LGR6: variants seen among roughly 807,000 people sequenced by gnomAD.
LGR6 encodes the protein leucine-rich repeat-containing G protein-coupled receptor 6.
LGR6 carries 45 observed loss-of-function variants against 69.4 expected under a neutral mutation model. That is an observed-to-expected ratio of 0.65 (90% confidence interval 0.51 to 0.83). The LOEUF is 0.83. LGR6 is among the 40% of genes least tolerant of loss of function. The pLI is 0.00. For missense variants in LGR6, 1,108 were observed against 1,246.7 expected, an observed-to-expected ratio of 0.89 and a Z score of 1.68; for synonymous variants, 538 against 555.0, an observed-to-expected ratio of 0.97 and a Z score of 0.43.
In LGR6 at chr1:202,304,572, G is replaced by T. The variant is rs767983891; in HGVS notation, c.1012G>T (p.Ala338Ser). Residue 338 changes from alanine (A) to serine (S), a missense_variant, in exon 11 of 18, where the codon GCA becomes TCA. By Grantham distance (99) the Ala-to-Ser change is moderately conservative. Coordinates refer to ENST00000367278, the MANE Select transcript of LGR6 (RefSeq NM_001017403.2). ...TSLEILTLTR[A>S]GIRLLPSGMC... ...TTCTCCCTGCAGGACCCTGACCCGC[G>T]CAGGCATCCGGCTGCTCCCATCGGG... 4 of 1,609,078 alleles carry T rather than the reference G, an allele frequency of 2.5e-6. No homozygotes were observed. The highest frequency in any genetic ancestry group is 1.7e-5 in the Admixed American group (1 of 59,940).
intron 4 of LGR6, among the ~76,000 whole-genome samples, chr1:202,270,541 G>A (rs372589248): frequency 8.8e-4 from 134 of 152,154 alleles, no homozygotes; most frequent in African/African-American, 3.0e-3. Context: ...CACACCCTGC[G>A]AAGCTCTGAG....
At chr1:202,204,689 ACCC>A (rs149902160) in intron 1 of LGR6, among the ~76,000 whole-genome samples, 3 of 37,834 alleles carry the variant, frequency 7.9e-5, no homozygotes, top group South Asian at 1.7e-3. Flanking sequence ...ACACACACAC[ACCC>A]CCAAACACAC....
At chr1:202,271,221 C>T (rs1484453440) in intron 4 of LGR6, among the ~76,000 whole-genome samples, 1 of 152,150 alleles carries the variant, frequency 6.6e-6, no homozygotes, top group African/African-American at 2.4e-5. Context: ...CTTTTAGTCC[C>T]AAGTGGAGGA....
At chr1:202,240,782 A>G (rs1378535106) in intron 4 of LGR6, among the ~76,000 whole-genome samples, 1 of 152,146 alleles carries the variant, frequency 6.6e-6, no homozygotes, top group Non-Finnish European at 1.5e-5. Context: ...GACAGTGGGG[A>G]AAAATGACAA....
At chr1:202,202,961 A>T (rs1001627159) in intron 1 of LGR6, among the ~76,000 whole-genome samples, 2 of 152,114 alleles carry the variant, frequency 1.3e-5, no homozygotes, top group African/African-American at 4.8e-5. Context: ...AGGGACTTGG[A>T]TGTGGTCCCC....
intron 1 of LGR6, among the ~76,000 whole-genome samples, chr1:202,214,936 A>G (rs902572894): frequency 6.6e-6 from 1 of 151,438 alleles, no homozygotes; most frequent in Non-Finnish European, 1.5e-5. Context: ...GATCCTGTCC[A>G]ATTTAGAAAA....
At chr1:202,258,291 T>C (rs1369737460) in intron 4 of LGR6, among the ~76,000 whole-genome samples, 2 of 152,078 alleles carry the variant, frequency 1.3e-5, no homozygotes, top group Admixed American at 6.5e-5. Flanking sequence ...ATCTATTTAT[T>C]ATATGACATG....
At chr1:202,217,483 T>C (rs1190921825) in intron 1 of LGR6, among the ~76,000 whole-genome samples, 2 of 152,182 alleles carry the variant, frequency 1.3e-5, no homozygotes, top group African/African-American at 4.8e-5. Flanking sequence ...CCCACCTTTT[T>C]GTTTCTCTCC....
intron 1 of LGR6, among the ~76,000 whole-genome samples, chr1:202,199,898 G>A (rs1425390064): frequency 6.6e-6 from 1 of 152,216 alleles, no homozygotes; most frequent in Admixed American, 6.5e-5. Flanking sequence ...TATGCTATAA[G>A]GGCTTACAAA....
intron 4 of LGR6, among the ~76,000 whole-genome samples, chr1:202,246,985 C>T (rs1167486064): frequency 1.3e-5 from 2 of 152,194 alleles, no homozygotes; most frequent in Non-Finnish European, 1.5e-5. Context: ...TTAGCCATGA[C>T]TTTAGACTGT....
At position 202,276,484 on chromosome 1, in the gene LGR6, G is replaced by T; in HGVS notation, c.607G>T (p.Asp203Tyr). ...LALNRISHIP[D>Y]YAFQNLTSLV... ...CCTCAACCGCATCAGCCACATCCCC[G>T]ACTACGCGTTCCAGAATCTCACCAG... Residue 203 changes from aspartate (D) to tyrosine (Y), a missense_variant, in exon 5 of 18, where the codon GAC becomes TAC. Physicochemically the swap from Asp to Tyr is radical, Grantham distance 160. Coordinates refer to ENST00000367278, the MANE Select transcript of LGR6 (RefSeq NM_001017403.2). 1 of 1,614,124 alleles carries T rather than the reference G, an allele frequency of 6.2e-7. No individual in the cohort carries two copies. Among genetic ancestry groups the T allele is most frequent in the East Asian group, 2.2e-5 (1 of 44,880 alleles).
chr1:202,278,797 G>C (rs1354556006), intron 5 of LGR6, among the ~76,000 whole-genome samples: 1 of 152,132 alleles, frequency 6.6e-6, no homozygotes. Flanking sequence ...AGGAGAAGGG[G>C]CTTCTCTTCA....
At chr1:202,217,392 G>A (rs549628799) in intron 1 of LGR6, among the ~76,000 whole-genome samples, 4 of 152,120 alleles carry the variant, frequency 2.6e-5, no homozygotes, top group South Asian at 2.1e-4. Context: ...GAAACACCAC[G>A]ATGCAGTGGA....
At chr1:202,298,873 C>G (rs1349315912) in intron 7 of LGR6, among the ~76,000 whole-genome samples, 1 of 151,978 alleles carries the variant, frequency 6.6e-6, no homozygotes, top group East Asian at 1.9e-4. Flanking sequence ...ACCTATAGTA[C>G]TAGCCCCATG....
At chr1:202,284,441 C>G (rs186514925) in intron 6 of LGR6, among the ~76,000 whole-genome samples, 1 of 152,318 alleles carries the variant, frequency 6.6e-6, no homozygotes, top group African/African-American at 2.4e-5. Flanking sequence ...TTGCCCATGT[C>G]ACTGTAATTT....
At chr1:202,205,516 C>CA (rs1659169697) in intron 1 of LGR6, among the ~76,000 whole-genome samples, 1 of 31,418 alleles carries the variant, frequency 3.2e-5, no homozygotes. Context: ...AACACACACA[C>CA]CCTCCTTCAA....
intron 1 of LGR6, among the ~76,000 whole-genome samples, chr1:202,205,686 T>TCCTTCAAACATACACACACACCC (rs1659183847): frequency 9.7e-6 from 1 of 103,000 alleles, no homozygotes; most frequent in African/African-American, 3.8e-5. Flanking sequence ...CACACACACC[T>TCCTTCAAACATACACACACACCC]CCTTCAAACA....
At chr1:202,235,024 T>C (rs927180454) in intron 3 of LGR6, among the ~76,000 whole-genome samples, 1 of 152,234 alleles carries the variant, frequency 6.6e-6, no homozygotes, top group Non-Finnish European at 1.5e-5. Flanking sequence ...CCTATGTCTT[T>C]ACCCAGTTCC....
At chr1:202,225,126 T>A (rs1571839839) in intron 1 of LGR6, among the ~76,000 whole-genome samples, 1 of 152,170 alleles carries the variant, frequency 6.6e-6, no homozygotes, top group South Asian at 2.1e-4. Flanking sequence ...TCCTTCATAA[T>A]CCCAATCACA....
Sources: allele counts gnomAD v4.1 joint callset (sites outside exome capture counted in the v4.1 genomes callset), GRCh38; gene constraint gnomAD v4.1.1; transcripts MANE v1.5; gene names NCBI Gene and HGNC (gene_info 2026-07-23, HGNC 2026-07-21).